Variants in RECK observed in about 807,000 individuals in gnomAD.
The protein encoded by RECK is reversion inducing cysteine rich protein with kazal motifs.
Under a neutral mutation model 115.1 loss-of-function variants are expected in RECK, and 69 were observed. The observed-to-expected ratio is 0.60, with a 90% CI of 0.49 to 0.73. RECK has a LOEUF of 0.73. RECK is among the 30% of genes least tolerant of loss of function. RECK has a pLI of 0.00. For missense variants in RECK, 1,047 were observed against 1,203.7 expected, an observed-to-expected ratio of 0.87 and a Z score of 1.93; for synonymous variants, 414 against 419.7, an observed-to-expected ratio of 0.99 and a Z score of 0.17.
At chr9:36,098,543 G>A (rs1451771369) in intron 10 of RECK, among the ~76,000 whole-genome samples, 1 of 152,154 alleles carries the variant, frequency 6.6e-6, no homozygotes, top group Non-Finnish European at 1.5e-5. Flanking sequence ...ATAGTTTGAG[G>A]ATTTGGAGCT....
At position 36,112,372 on chromosome 9, in the gene RECK, T is replaced by C. The variant is rs775686588; in HGVS notation, c.1956T>C (p.Ser652=). ...GGCAGAATGGGCGCACTTACCCCAG[T>C]GCCTGCATTGCTCGCTGTGTGGGCC... ...VCGQNGRTYP[S]ACIARCVGLQ... is the part of the protein sequence containing the mutation. The change falls in exon 16 of 21, where the codon AGT becomes AGC. Residue 652 remains serine, a synonymous_variant. Transcript: ENST00000377966. 2 of 1,613,800 alleles carry C rather than the reference T, an allele frequency of 1.2e-6. No individual in the cohort carries two copies. Among genetic ancestry groups the C allele is most frequent in the Admixed American group, 1.7e-5 (1 of 60,002 alleles).
At chr9:36,038,275 G>C (rs1820747913) in intron 1 of RECK, among the ~76,000 whole-genome samples, 1 of 152,022 alleles carries the variant, frequency 6.6e-6, no homozygotes, top group South Asian at 2.1e-4. Context: ...CACTGCCCTC[G>C]GAAGTGAGAC....
chr9:36,048,894 T>C (rs1821176705), intron 1 of RECK, among the ~76,000 whole-genome samples: 1 of 152,120 alleles, frequency 6.6e-6, no homozygotes, highest in Non-Finnish European at 1.5e-5. Flanking sequence ...AGATTGCCCT[T>C]AATCCAGACA....
intron 14 of RECK, among the ~76,000 whole-genome samples, chr9:36,109,244 G>C (rs899979305): frequency 6.6e-6 from 1 of 152,208 alleles, no homozygotes; most frequent in Admixed American, 6.5e-5. Flanking sequence ...CGGGGGATGA[G>C]ATCATGCTTT....
In RECK at chr9:36,123,054, G is replaced by A. The variant is rs111613206; in HGVS notation, c.*9G>A. On this transcript the variant is annotated 3_prime_UTR_variant, in exon 21 of 21. Coordinates refer to ENST00000377966, the MANE Select transcript of RECK (RefSeq NM_021111.3). Reference sequence around the variant, plus strand: ...TCTGGACATATAACTGACTGCCCACGGAAAGTGCAGAATGCTCCTCCACCT... The same window carrying A: ...TCTGGACATATAACTGACTGCCCACAGAAAGTGCAGAATGCTCCTCCACCT... 2,318 of 1,606,350 alleles carry A rather than the reference G, an allele frequency of 1.4e-3. 27 individuals are homozygous for A. The African/African-American group carries it at 0.023, about 16-fold the overall frequency.
chr9:36,047,938 A>C (rs1342410937), intron 1 of RECK, among the ~76,000 whole-genome samples: 1 of 151,718 alleles, frequency 6.6e-6, no homozygotes. Flanking sequence ...TAAAACTTAG[A>C]AACTTGGTTG....
chr9:36,079,270 G>C (rs1822585623), intron 6 of RECK, among the ~76,000 whole-genome samples: 1 of 152,158 alleles, frequency 6.6e-6, no homozygotes. Context: ...CATTTAAATA[G>C]AGAGTTATCT....
At position 36,107,919 on chromosome 9, in the gene RECK, T is replaced by A. The variant is rs571766849; in HGVS notation, c.1577-57T>A. On this transcript the variant is annotated intron_variant, in intron 13 of 20. Transcript: ENST00000377966. ...CTTTTATCAAGTGTATATCTAATGT[T>A]ATAAAACAATGTCATAGAACAGTAC... is the stretch of plus-strand genomic sequence containing the variant. 104 of 1,257,630 alleles carry A rather than the reference T, an allele frequency of 8.3e-5. No homozygotes were observed. In the African/African-American group the frequency reaches 1.3e-3, roughly 15 times the overall value. The allele number at this position is 1,257,630 out of a possible 1,614,324, so 77.9% of individuals were successfully genotyped here. A position where few individuals can be genotyped will look rare whatever the true frequency, so the allele number is the denominator to read the frequency against.
intron 6 of RECK, among the ~76,000 whole-genome samples, chr9:36,069,143 A>T (rs1822126579): frequency 6.6e-6 from 1 of 152,196 alleles, no homozygotes; most frequent in Admixed American, 6.5e-5. Context: ...AGCCAACAGG[A>T]ACAATGGTGA....
chr9:36,117,261 C>A, intron 17 of RECK, 84 bp downstream of exon 17: 1 of 1,093,502 alleles, frequency 9.1e-7, no homozygotes, highest in Non-Finnish European at 1.3e-6. Context: ...ACAGTAAGAC[C>A]AGCCGAGGGT....
intron 10 of RECK, among the ~76,000 whole-genome samples, chr9:36,098,156 G>A (rs1014066080): frequency 6.6e-6 from 1 of 152,088 alleles, no homozygotes; most frequent in Non-Finnish European, 1.5e-5. Context: ...TATACAATGT[G>A]GTAACTATAG....
intron 13 of RECK, among the ~76,000 whole-genome samples, chr9:36,105,815 G>A (rs1391125501): frequency 6.6e-6 from 1 of 152,138 alleles, no homozygotes; most frequent in East Asian, 1.9e-4. Context: ...AATTATGATA[G>A]TCTTTATCTT....
chr9:36,059,154 T>G (rs971328566), intron 3 of RECK, among the ~76,000 whole-genome samples: 7 of 152,174 alleles, frequency 4.6e-5, no homozygotes, highest in African/African-American at 1.4e-4. Context: ...TCTTTAAATT[T>G]CATTATAGTA....
At position 36,105,217 on chromosome 9, in the gene RECK, C is replaced by T. The variant is rs1456290200; in HGVS notation, c.1510C>T (p.Leu504Phe). Residue 504 changes from leucine to phenylalanine, a missense_variant, in exon 13 of 21, where the codon CTC becomes TTC. Physicochemically the swap from Leu to Phe is conservative, Grantham distance 22 (BLOSUM62 0). Transcript: ENST00000377966. ...CNPNPCPANE[L>F]CEVNRKGCPS... ...CCCAAATCCTTGCCCTGCCAATGAG[C>T]TCTGTGAAGTAAACCGAAAAGGATG... 1 of 1,613,910 alleles carries T rather than the reference C, an allele frequency of 6.2e-7. No individual in the cohort carries two copies. Among genetic ancestry groups the T allele is most frequent in the South Asian group, 1.1e-5 (1 of 91,070 alleles).
At chr9:36,105,378 G>T in intron 13 of RECK, 95 bp downstream of exon 13, 1 of 1,189,782 alleles carries the variant, frequency 8.4e-7, no homozygotes, top group Admixed American at 2.1e-5. Flanking sequence ...TGCTCCTTCT[G>T]TAATATAGGG....
At chr9:36,117,258 G>T in intron 17 of RECK, 81 bp downstream of exon 17, 1 of 1,142,390 alleles carries the variant, frequency 8.8e-7, no homozygotes, top group Non-Finnish European at 1.2e-6. Context: ...TCAACAGTAA[G>T]ACCAGCCGAG....
intron 7 of RECK, among the ~76,000 whole-genome samples, chr9:36,082,745 T>C (rs1822775738): frequency 6.6e-6 from 1 of 152,214 alleles, no homozygotes; most frequent in Admixed American, 6.5e-5. Context: ...TTAGGCAAAC[T>C]CTTACAGATA....
chr9:36,095,545 CA>C (rs1187836811), intron 10 of RECK, among the ~76,000 whole-genome samples: 1 of 152,162 alleles, frequency 6.6e-6, no homozygotes, highest in Non-Finnish European at 1.5e-5. Context: ...CTGTGTCACT[CA>C]GAGATGCCAA....
rs917672039 is a variant in RECK at position 36,121,447 on chromosome 9, C to A, written c.2539-86C>A. 5.3e-6 allele frequency: 7 copies of A among 1,331,752 alleles called. No individual in the cohort carries two copies. In the African/African-American group the frequency reaches 1.0e-4, roughly 19 times the overall value. 82.5% of individuals were successfully genotyped at this position (1,331,752 alleles called of 1,614,324 possible). On this transcript the variant is annotated intron_variant, in intron 19 of 20. Transcript: ENST00000377966. The stretch of plus-strand genomic sequence containing the variant: ...GAGGGCTGTGCGGTCAAAAGAGCCT[C>A]CTCAGCTGGCAGCCCAAAGCAAGGG...
Sources: allele counts gnomAD v4.1 joint callset (sites outside exome capture counted in the v4.1 genomes callset), GRCh38; gene constraint gnomAD v4.1.1; transcripts MANE v1.5; gene names NCBI Gene and HGNC (gene_info 2026-07-23, HGNC 2026-07-21).